CFAP95: variants seen among roughly 807,000 people sequenced by gnomAD.
CFAP95 encodes cilia and flagella associated protein 95, also known as cilia- and flagella-associated protein 95.
At chr9:69,838,379 C>T in the CFAP95 span, among the ~76,000 whole-genome samples, 1 of 151,222 alleles carries the variant, frequency 6.6e-6, no homozygotes, top group African/African-American at 2.4e-5. Flanking sequence ...GAATGTTCTT[C>T]CATTTGTTTG....
the CFAP95 span, among the ~76,000 whole-genome samples, chr9:69,830,851 A>G: frequency 6.6e-6 from 1 of 152,044 alleles, no homozygotes; most frequent in African/African-American, 2.4e-5. Context: ...TAGAGTTGAC[A>G]GTCTTCCTCT....
chr9:69,845,692 A>G, the CFAP95 span, among the ~76,000 whole-genome samples: 73,400 of 151,928 alleles, frequency 0.48, 18,477 homozygotes, highest in African/African-American at 0.62. Context: ...GCCTGGATAT[A>G]GAATGAGCAA....
the CFAP95 span, among the ~76,000 whole-genome samples, chr9:69,855,729 T>C: frequency 6.6e-6 from 1 of 152,176 alleles, no homozygotes; most frequent in Non-Finnish European, 1.5e-5. Context: ...AGAAAAATCT[T>C]ATTACTAAAG....
chr9:69,829,486 C>T, the CFAP95 span, among the ~76,000 whole-genome samples: 7 of 152,170 alleles, frequency 4.6e-5, no homozygotes, highest in African/African-American at 1.7e-4. Flanking sequence ...AGGCATTTCA[C>T]CACACGGGCA....
At chr9:69,835,441 G>T in the CFAP95 span, among the ~76,000 whole-genome samples, 1 of 152,294 alleles carries the variant, frequency 6.6e-6, no homozygotes, top group Non-Finnish European at 1.5e-5. Flanking sequence ...TCAGCAAGTA[G>T]ATTTATAATT....
At chr9:69,852,620 A>G in the CFAP95 span, among the ~76,000 whole-genome samples, 1 of 152,076 alleles carries the variant, frequency 6.6e-6, no homozygotes, top group South Asian at 2.1e-4. Context: ...ATGCTTGACA[A>G]AATGCTACAG....
chr9:69,846,890 T>C, the CFAP95 span, among the ~76,000 whole-genome samples: 1 of 152,244 alleles, frequency 6.6e-6, no homozygotes. Context: ...TGAGTAGTTA[T>C]GTCCTTAAAG....
At chr9:69,873,097 G>A in the CFAP95 span, among the ~76,000 whole-genome samples, 1 of 152,116 alleles carries the variant, frequency 6.6e-6, no homozygotes, top group Non-Finnish European at 1.5e-5. Context: ...AACAACAAGG[G>A]TCGTTTTGGA....
the CFAP95 span, among the ~76,000 whole-genome samples, chr9:69,840,835 G>A: frequency 6.6e-6 from 1 of 152,084 alleles, no homozygotes; most frequent in Non-Finnish European, 1.5e-5. Context: ...TGTGGGCACA[G>A]CATCCATGGG....
At chr9:69,840,631 A>G in the CFAP95 span, among the ~76,000 whole-genome samples, 1 of 152,194 alleles carries the variant, frequency 6.6e-6, no homozygotes, top group African/African-American at 2.4e-5. Context: ...TATGGTAAAT[A>G]TGTATTATAC....
At chr9:69,874,931 T>A in the CFAP95 span, among the ~76,000 whole-genome samples, 1 of 152,178 alleles carries the variant, frequency 6.6e-6, no homozygotes, top group African/African-American at 2.4e-5. Flanking sequence ...CAGCTCTGCT[T>A]CCAGAACCAG....
chr9:69,859,029 TCAAA>T, the CFAP95 span, among the ~76,000 whole-genome samples: 8 of 152,348 alleles, frequency 5.3e-5, no homozygotes, highest in Admixed American at 2.0e-4. Flanking sequence ...TTAATATATG[TCAAA>T]CAATTAGAGC....
At chr9:69,830,573 CAG>C in the CFAP95 span, among the ~76,000 whole-genome samples, 1 of 152,200 alleles carries the variant, frequency 6.6e-6, no homozygotes, top group Non-Finnish European at 1.5e-5. Flanking sequence ...GGGCAGAAAA[CAG>C]AAATCTTGTG....
the CFAP95 span, among the ~76,000 whole-genome samples, chr9:69,823,477 G>T: frequency 1.1e-4 from 17 of 152,162 alleles, no homozygotes; most frequent in Non-Finnish European, 1.9e-4. Flanking sequence ...TGTGTGTTGC[G>T]GCAAGTGACT....
At chr9:69,885,629 G>A in the CFAP95 span, among the ~76,000 whole-genome samples, 1 of 152,148 alleles carries the variant, frequency 6.6e-6, no homozygotes, top group Admixed American at 6.6e-5. Flanking sequence ...GTAGACTTTG[G>A]GGGATGAGTG....
At chr9:69,866,805 A>T in the CFAP95 span, among the ~76,000 whole-genome samples, 1 of 152,204 alleles carries the variant, frequency 6.6e-6, no homozygotes, top group Non-Finnish European at 1.5e-5. Flanking sequence ...TCTCAAATCA[A>T]ATGTTCCATT....
chr9:69,872,053 A>C, the CFAP95 span, among the ~76,000 whole-genome samples: 1 of 152,140 alleles, frequency 6.6e-6, no homozygotes, highest in South Asian at 2.1e-4. Context: ...GTTAGAAAGG[A>C]CTCAGAGGGG....
At chr9:69,863,509 C>T in the CFAP95 span, among the ~76,000 whole-genome samples, 3 of 152,268 alleles carry the variant, frequency 2.0e-5, no homozygotes, top group East Asian at 5.8e-4. Flanking sequence ...TGAAAGTACT[C>T]TTTATGAGGC....
the CFAP95 span, among the ~76,000 whole-genome samples, chr9:69,896,890 G>GA: frequency 1.3e-5 from 2 of 150,970 alleles, no homozygotes; most frequent in Admixed American, 6.6e-5. Flanking sequence ...CTCTGTCTCT[G>GA]AAAAAAAAAT....
Sources: gnomAD v4.1 joint callset for allele counts (sites outside exome capture counted in the v4.1 genomes callset) on GRCh38, gnomAD v4.1.1 for gene constraint, MANE v1.5 for transcripts, NCBI Gene and HGNC (gene_info 2026-07-23, HGNC 2026-07-21) for gene names.